The following TRIM23 variants were observed in gnomAD, a reference collection of about 807,000 sequenced individuals.
TRIM23 encodes the protein E3 ubiquitin-protein ligase TRIM23.
A neutral mutation model predicts 71.0 loss-of-function variants in TRIM23; 27 were observed. That is an observed-to-expected ratio of 0.38 (90% CI 0.28 to 0.52). The LOEUF is 0.52. TRIM23 is among the 20% of genes least tolerant of loss of function. TRIM23 has a pLI of 0.84. For missense variants in TRIM23, 482 were observed against 692.3 expected (o/e 0.70, Z 3.41); for synonymous variants, 234 against 238.0 (o/e 0.98, Z 0.16).
intron 3 of TRIM23, 55 bp from the exon 4 acceptor site, chr5:65,611,936 G>T: frequency 1.3e-6 from 2 of 1,500,236 alleles, no homozygotes; most frequent in Non-Finnish European, 9.0e-7. Context: ...ATAACATGAC[G>T]AATTTTTAAA....
chr5:65,622,787 T>C (rs1754979632), intron 1 of TRIM23, among the ~76,000 whole-genome samples: 1 of 152,224 alleles, frequency 6.6e-6, no homozygotes, highest in South Asian at 2.1e-4. Flanking sequence ...TGTATCAAAT[T>C]CTGTGCTGTA....
intron 6 of TRIM23, among the ~76,000 whole-genome samples, chr5:65,608,876 T>G (rs774836792): frequency 3.3e-5 from 5 of 150,722 alleles, no homozygotes; most frequent in Admixed American, 6.6e-5. Flanking sequence ...GGCAAATATT[T>G]AAGCTGGACC....
rs16894058 is a variant in TRIM23, at chr5:65,596,605, C to A, written c.1310-74G>T. 0.017 allele frequency: 14,854 copies of A among 891,022 alleles called. 1,112 individuals are homozygous for A. The African/African-American group carries it at 0.2, about 12-fold the overall frequency. The allele number at this position is 891,022 out of a possible 1,614,324, so 55.2% of individuals were successfully genotyped here. A position where few individuals can be genotyped will look rare whatever the true frequency, so the allele number is the denominator to read the frequency against. ...AATGACATATCAAACACAGACAACC[C>A]CCAGTTTATAACTGTGACTTATCAA... On this transcript the variant is annotated intron_variant, in intron 8 of 10. Transcript: ENST00000231524.
chr5:65,615,502 C>G (rs1754754838), intron 2 of TRIM23, among the ~76,000 whole-genome samples: 1 of 145,722 alleles, frequency 6.9e-6, no homozygotes, highest in Non-Finnish European at 1.5e-5. Flanking sequence ...TCATTGCCTG[C>G]AGGGCCCCCC....
intron 1 of TRIM23, 98 bp from the exon 2 acceptor site, chr5:65,618,353 T>C (rs1323129831): frequency 3.7e-5 from 47 of 1,275,880 alleles, no homozygotes; most frequent in Non-Finnish European, 4.4e-5. Context: ...TGAATCAACA[T>C]TGTTACTTTA....
Position 65,591,133 on chromosome 5 carries a change from T to C in TRIM23, c.*636A>G. On this transcript the variant is annotated 3_prime_UTR_variant, in exon 11 of 11. Transcript: ENST00000231524. The stretch of plus-strand genomic sequence containing the variant: ...TGGGTAACATTTCACTCCCTCATTG[T>C]GTTTTATACAAAATGCTGTAGGAGA... 1 of 1,047,118 alleles carries C rather than the reference T, an allele frequency of 9.6e-7. No individual in the cohort carries two copies. Among genetic ancestry groups the C allele is most frequent in the Non-Finnish European group, 1.1e-6 (1 of 869,780 alleles). The allele number at this position is 1,047,118 out of a possible 1,614,324, so 64.9% of individuals were successfully genotyped here.
intron 7 of TRIM23, among the ~76,000 whole-genome samples, chr5:65,599,618 T>C (rs975574490): frequency 5.3e-5 from 8 of 152,210 alleles, no homozygotes; most frequent in Non-Finnish European, 1.2e-4. Flanking sequence ...AGACATTCCA[T>C]GTCCATGGAT....
At position 65,590,952 on chromosome 5, in the gene TRIM23, A is replaced by G. The variant is rs1021628691; in HGVS notation, c.*817T>C. The G allele has an allele frequency of 1.0e-6, 1 of 984,770 alleles. No individual in the cohort carries two copies. Among genetic ancestry groups the G allele is most frequent in the African/African-American group, 1.7e-5 (1 of 57,216 alleles). 61.0% of individuals were successfully genotyped at this position (984,770 alleles called of 1,614,324 possible). On this transcript the variant is annotated 3_prime_UTR_variant, in exon 11 of 11. Transcript: ENST00000231524. The stretch of plus-strand genomic sequence containing the variant: ...CACAAAGGATGCAATATTATATTAG[A>G]AAGAAATATTACTTTAAATTTGTTG...
Position 65,591,652 on chromosome 5 carries a change from T to TATATATATATATATATATATATATAC in TRIM23, c.*116_*117insGTATATATATATATATATATATATAT. 1.1e-6 allele frequency: 1 copy of TATATATATATATATATATATATATAC among 900,658 alleles called. No individual in the cohort carries two copies. The highest frequency in any genetic ancestry group is 1.8e-5 in the African/African-American group (1 of 54,416). The allele number at this position is 900,658 out of a possible 1,614,324, so 55.8% of individuals were successfully genotyped here. A position where few individuals can be genotyped will look rare whatever the true frequency, so the allele number is the denominator to read the frequency against. On this transcript the variant is annotated 3_prime_UTR_variant, in exon 11 of 11. Coordinates refer to ENST00000231524, the MANE Select transcript of TRIM23 (RefSeq NM_001656.4). ...TCCCAATCCAAGATTCCTTTATATA[T>TATATATATATATATATATATATATAC]ATATATATATATATGCATCCTAAAT... is the stretch of plus-strand genomic sequence containing the variant.
At position 65,614,142 on chromosome 5, in the gene TRIM23, C is replaced by A; in HGVS notation, c.322G>T (p.Gly108Cys). 1.2e-6 allele frequency: 2 copies of A among 1,614,034 alleles called. No individual in the cohort carries two copies. Residue 108 changes from glycine to cysteine, a missense_variant, in exon 3 of 11, where the codon GGT (glycine) becomes TGT (cysteine). This residue lies in a region of TRIM23 where 175 missense variants were observed against 196.5 expected (regional missense o/e 0.89). Transcript: ENST00000231524. The stretch of plus-strand genomic sequence containing the variant: ...GATTCTTCTGCAGCTCCATACTGAC[C>A]AATAGGCCCATTCTGCAGTCGTTCC... ...LLERLQNGPI[G>C]QYGAAEESIG...
At chr5:65,614,254 C>A in intron 2 of TRIM23, 35 bp from the exon 3 acceptor site, 1 of 1,581,138 alleles carries the variant, frequency 6.3e-7, no homozygotes, top group Non-Finnish European at 8.7e-7. Context: ...CTAAATCTAA[C>A]AAAATGGACT....
chr5:65,623,509 A>G (rs944090517), intron 1 of TRIM23, among the ~76,000 whole-genome samples: 1 of 152,202 alleles, frequency 6.6e-6, no homozygotes, highest in Non-Finnish European at 1.5e-5. Context: ...TTTTTAGCAA[A>G]TTGATTCTGG....
At chr5:65,618,416 A>G (rs983779787) in intron 1 of TRIM23, among the ~76,000 whole-genome samples, 161 bp from the exon 2 acceptor site, 1 of 152,218 alleles carries the variant, frequency 6.6e-6, no homozygotes, top group African/African-American at 2.4e-5. Context: ...ATCACTTTTA[A>G]GTCATTCCAT....
rs757322055 is a variant in TRIM23, at chr5:65,590,326, TAC to T, written c.*1441_*1442del. ...ACCTGAAAAATAAAGGATGAAATAT[TAC>T]ATTTATTTATTTACATATTGCCCAT... On this transcript the variant is annotated 3_prime_UTR_variant, in exon 11 of 11. Transcript: ENST00000231524. The T allele has an allele frequency of 6.9e-7, 1 of 1,453,066 alleles. No individual in the cohort carries two copies. Among genetic ancestry groups the T allele is most frequent in the Non-Finnish European group, 9.4e-7 (1 of 1,059,442 alleles). 90.0% of individuals were successfully genotyped at this position (1,453,066 alleles called of 1,614,324 possible). A position where few individuals can be genotyped will look rare whatever the true frequency, so the allele number is the denominator to read the frequency against.
intron 7 of TRIM23, among the ~76,000 whole-genome samples, chr5:65,600,370 T>C (rs553631850): frequency 8.0e-4 from 122 of 152,200 alleles, no homozygotes; most frequent in Middle Eastern, 3.4e-3. Flanking sequence ...CCCTCAGGAA[T>C]AGGGTCACAT....
In TRIM23 at chr5:65,590,693, T is replaced by TG; in HGVS notation, c.*1075_*1076insC. ...ATGTAAACTTTTTGAATTTTTTTTT[T>TG]CTTTAGACATTTTTCCTCTAGAGTA... On this transcript the variant is annotated 3_prime_UTR_variant, in exon 11 of 11. Transcript: ENST00000231524. The TG allele has an allele frequency of 1.0e-6, 1 of 985,030 alleles. No homozygotes were observed. The highest frequency in any genetic ancestry group is 1.2e-6 in the Non-Finnish European group (1 of 829,238). 61.0% of individuals were successfully genotyped at this position (985,030 alleles called of 1,614,324 possible). A position where few individuals can be genotyped will look rare whatever the true frequency, so the allele number is the denominator to read the frequency against.
intron 1 of TRIM23, among the ~76,000 whole-genome samples, 199 bp downstream of exon 1, chr5:65,623,995 T>C (rs1336553620): frequency 1.3e-5 from 2 of 152,152 alleles, no homozygotes; most frequent in Non-Finnish European, 2.9e-5. Flanking sequence ...TGATGACATG[T>C]CATGAGCAGA....
chr5:65,597,174 G>C lies in TRIM23; in HGVS notation c.1186C>G (p.Arg396Gly). ...TCCATTTTTGGTCCAATGTGAACTC[G>C]ATTATCCTACAATTTAAATATTTTT... is the stretch of plus-strand genomic sequence containing the variant. ...SIPVTFTKDN[R>G]VHIGPKMEIR... is the part of the protein sequence containing the mutation. Residue 396 changes from arginine to glycine, a missense_variant, in exon 8 of 11, where the codon CGA (arginine) becomes GGA (glycine). Physicochemically the swap from Arg to Gly is moderately radical, Grantham distance 125. Coordinates refer to ENST00000231524, the MANE Select transcript of TRIM23 (RefSeq NM_001656.4). The C allele has an allele frequency of 6.2e-7, 1 of 1,613,786 alleles. No individual in the cohort carries two copies.
chr5:65,602,981 T>C (rs1376813629), intron 7 of TRIM23, among the ~76,000 whole-genome samples: 1 of 152,096 alleles, frequency 6.6e-6, no homozygotes, highest in African/African-American at 2.4e-5. Flanking sequence ...TTATTCAGCT[T>C]TAAAATGGAA....
Sources: gnomAD v4.1 joint callset for allele counts (sites outside exome capture counted in the v4.1 genomes callset) on GRCh38, gnomAD v4.1.1 for gene constraint, gnomAD v4.1.1 regional missense constraint, MANE v1.5 for transcripts, NCBI Gene and HGNC (gene_info 2026-07-23, HGNC 2026-07-21) for gene names.